SH2B1: variants seen among roughly 807,000 people sequenced by gnomAD.
SH2B1 encodes the protein SH2B adaptor protein 1.
SH2B1 carries 15 observed loss-of-function variants against 62.6 expected under a neutral mutation model. The ratio of observed to expected loss-of-function variants is 0.24; its 90% CI spans 0.16 to 0.37. The LOEUF (loss-of-function observed/expected upper bound fraction) is 0.37, where lower values mean the gene tolerates loss of function less well. Among genes scored for constraint, SH2B1 ranks in the 10% least tolerant of loss-of-function variants. The pLI, the probability that SH2B1 is intolerant of heterozygous loss-of-function variation, is 1.00. For synonymous variants in SH2B1, 443 were observed against 438.0 expected (o/e 1.01, Z -0.14); for missense variants, 925 against 1,015.6 (o/e 0.91, Z 1.21).
At position 28,865,684 on chromosome 16, in the gene SH2B1, G is replaced by C; in HGVS notation, c.-411G>C. On this transcript the variant is annotated 5_prime_UTR_variant, in exon 1 of 8. Transcript: ENST00000684370. Reference sequence around the variant, plus strand: ...CATGGGAAGTGTGACATGAATATTGGAGGATCCGATGTAGAGGGGGGGTGA... The same window carrying C: ...CATGGGAAGTGTGACATGAATATTGCAGGATCCGATGTAGAGGGGGGGTGA... 1.0e-6 allele frequency: 1 copy of C among 1,004,092 alleles called. No homozygotes were observed. The highest frequency in any genetic ancestry group is 1.2e-6 in the Non-Finnish European group (1 of 843,162). The allele number at this position is 1,004,092 out of a possible 1,614,324, so 62.2% of individuals were successfully genotyped here.
chr16:28,851,152 G>A (rs1399859644), intron 1 of SH2B1, among the ~76,000 whole-genome samples: 2 of 138,258 alleles, frequency 1.4e-5, no homozygotes, highest in Non-Finnish European at 3.1e-5. Flanking sequence ...CCAGCCTGCC[G>A]ACAGAGCAAG....
intron 1 of SH2B1, among the ~76,000 whole-genome samples, chr16:28,853,502 G>A (rs1312622403): frequency 2.1e-5 from 3 of 143,022 alleles, no homozygotes; most frequent in Admixed American, 1.4e-4. Context: ...TACGCCCAGC[G>A]CCCACCCACC....
At chr16:28,851,172 C>CAAAAAA (rs370837963) in intron 1 of SH2B1, among the ~76,000 whole-genome samples, 10 of 130,050 alleles carry the variant, frequency 7.7e-5, no homozygotes, top group African/African-American at 2.5e-4. Flanking sequence ...GACTCTGTCT[C>CAAAAAA]AAAAAGAAAA....
In SH2B1 at chr16:28,866,898, G is replaced by C; in HGVS notation, c.804G>C (p.Val268=). The change falls in exon 1 of 8, where the codon GTG becomes GTC. Residue 268 remains valine (V), a synonymous_variant. Coordinates refer to ENST00000684370, the MANE Select transcript of SH2B1 (RefSeq NM_001387430.1). The surrounding 1 kb of genome is among the most constrained non-coding windows in gnomAD (Gnocchi z 6.3). ...AGGCAGCCCCTGACCCAGCCGGAGT[G>C]GGCCGGGGAGGAGGGGTGGCTGGGC... is the stretch of plus-strand genomic sequence containing the variant. The part of the protein sequence containing the change: ...AEEAAPDPAG[V]GRGGGVAGPP... The C allele has an allele frequency of 6.2e-7, 1 of 1,612,278 alleles. No individual in the cohort carries two copies.
chr16:28,871,740 G>A (rs1963049368), intron 4 of SH2B1, 40 bp from the exon 5 acceptor site: 2 of 1,528,038 alleles, frequency 1.3e-6, no homozygotes, highest in South Asian at 1.1e-5. Context: ...TTTAGAAGAG[G>A]AATTTCTTGG....
intron 1 of SH2B1, among the ~76,000 whole-genome samples, chr16:28,849,896 CT>C (rs1962058954): frequency 6.6e-6 from 1 of 152,054 alleles, no homozygotes; most frequent in Non-Finnish European, 1.5e-5. Context: ...GTACTCCAGC[CT>C]GGGTGACAGA....
At chr16:28,869,431 G>T in intron 4 of SH2B1, 48 bp downstream of exon 4, 1 of 1,561,128 alleles carries the variant, frequency 6.4e-7, no homozygotes, top group East Asian at 2.3e-5. Flanking sequence ...CCTGCCATGC[G>T]GGGCCCCTGC....
chr16:28,871,025 G>A (rs970794620), intron 4 of SH2B1, among the ~76,000 whole-genome samples: 12 of 150,554 alleles, frequency 8.0e-5, no homozygotes, highest in Non-Finnish European at 1.8e-4. Flanking sequence ...GTGTGTGTGT[G>A]TGTGTGTTTT....
chr16:28,872,454 G>A lies in SH2B1; in HGVS notation c.1725+53G>A. The stretch of plus-strand genomic sequence containing the variant: ...TTCTGTGCATAGTTGGCAGTGGGGT[G>A]GGGGAGCACTGCCGGGGGAGGGGGT... On this transcript the variant is annotated intron_variant, in intron 6 of 7. Transcript: ENST00000684370. The surrounding 1 kb of genome is among the most constrained non-coding windows in gnomAD (Gnocchi z 5.3). 1.9e-6 allele frequency: 3 copies of A among 1,571,002 alleles called. No homozygotes were observed. The highest frequency in any genetic ancestry group is 1.7e-5 in the Admixed American group (1 of 58,306).
chr16:28,874,043 G>T lies in SH2B1; in HGVS notation c.*223G>T. The T allele has an allele frequency of 2.5e-6, 1 of 405,264 alleles. No homozygotes were observed. Among genetic ancestry groups the T allele is most frequent in the Non-Finnish European group, 4.3e-6 (1 of 234,744 alleles). The allele number at this position is 405,264 out of a possible 1,614,324, so 25.1% of individuals were successfully genotyped here. A position where few individuals can be genotyped will look rare whatever the true frequency, so the allele number is the denominator to read the frequency against. On this transcript the variant is annotated 3_prime_UTR_variant, in exon 8 of 8. Transcript: ENST00000684370. ...TTTGGGCTCCATGAGCTCCTTGAGG[G>T]GCTCTTCTGGTCAGCCCCACCCTGG...
Position 28,864,587 on chromosome 16 carries a change from G to C in SH2B1, c.-1508G>C. 4.1e-6 allele frequency: 4 copies of C among 985,690 alleles called. No individual in the cohort carries two copies. The highest frequency in any genetic ancestry group is 4.8e-6 in the Non-Finnish European group (4 of 830,082). The allele number at this position is 985,690 out of a possible 1,614,324, so 61.1% of individuals were successfully genotyped here. On this transcript the variant is annotated 5_prime_UTR_variant, in exon 1 of 8. Coordinates refer to ENST00000684370, the MANE Select transcript of SH2B1 (RefSeq NM_001387430.1). ...GGGTTCACCGACTTACAGCCTGGCT[G>C]TAGGTTTGAACAGGAGTCTGAGGTC...
At position 28,873,879 on chromosome 16, in the gene SH2B1, T is replaced by C. The variant is rs775415750; in HGVS notation, c.*59T>C. On this transcript the variant is annotated 3_prime_UTR_variant, in exon 8 of 8. Transcript: ENST00000684370. This position sits in a 1 kb window ranked among gnomAD's most constrained non-coding sequence, Gnocchi z 4.2. The stretch of plus-strand genomic sequence containing the variant: ...CCCAGCCCTGCTCGTGAGATTGGGC[T>C]GGGTAGGGACAGAGGAGGCCGAAAT... The C allele has an allele frequency of 2.4e-5, 33 of 1,382,772 alleles. No homozygotes were observed. The highest frequency in any genetic ancestry group is 3.0e-5 in the African/African-American group (2 of 67,382). 85.7% of individuals were successfully genotyped at this position (1,382,772 alleles called of 1,614,324 possible).
chr16:28,862,416 T>G (rs1242262276), upstream of SH2B1: 1 of 152,112 alleles, frequency 6.6e-6, no homozygotes, highest in Non-Finnish European at 1.5e-5. Flanking sequence ...TGCCTCAGCC[T>G]CCTCTCAAGT....
Position 28,864,564 on chromosome 16 carries a change from G to A in SH2B1, c.-1531G>A, listed in dbSNP as rs1377267214. ...GTCGAGGCCCAGGAGGAAGGGGAGG[G>A]TTCACCGACTTACAGCCTGGCTGTA... On this transcript the variant is annotated 5_prime_UTR_variant, in exon 1 of 8. Coordinates refer to ENST00000684370, the MANE Select transcript of SH2B1 (RefSeq NM_001387430.1). 2.8e-5 allele frequency: 28 copies of A among 985,584 alleles called. No homozygotes were observed. The highest frequency in any genetic ancestry group is 3.3e-5 in the Non-Finnish European group (27 of 830,090). 61.1% of individuals were successfully genotyped at this position (985,584 alleles called of 1,614,324 possible).
chr16:28,864,034 G>A lies in SH2B1; in HGVS notation c.-2061G>A. 1 of 1,391,758 alleles carries A rather than the reference G, an allele frequency of 7.2e-7. No homozygotes were observed. Among genetic ancestry groups the A allele is most frequent in the East Asian group, 2.8e-5 (1 of 36,298 alleles). 86.2% of individuals were successfully genotyped at this position (1,391,758 alleles called of 1,614,324 possible). On this transcript the variant is annotated 5_prime_UTR_variant, in exon 1 of 8. It adds an upstream start codon to the 5' untranslated region. Transcript: ENST00000684370. ...CGCCCGAGAGGATTCCTGGGTGGGGGTGGGCGTGGAGGGCCGGGGGCTGGA... is the reference window on the plus strand; with the variant it reads ...CGCCCGAGAGGATTCCTGGGTGGGGATGGGCGTGGAGGGCCGGGGGCTGGA...
intron 1 of SH2B1, among the ~76,000 whole-genome samples, chr16:28,855,902 ACCTCGTGATCCGCCTGCCTCGG>A (rs1001018419): frequency 7.4e-6 from 1 of 134,270 alleles, no homozygotes; most frequent in African/African-American, 2.8e-5. Flanking sequence ...TGATCCGCCG[ACCTCGTGATCCGCCTGCCTCGG>A]CCTCCCAAAG....
At position 28,872,901 on chromosome 16, in the gene SH2B1, G is replaced by A; in HGVS notation, c.1897+196G>A. ...GCTGATAGGACACAGGAAGGCAGAA[G>A]GCTCCTGGCCGGAGCCGGGGCGGCA... On this transcript the variant is annotated intron_variant, in intron 7 of 7. Coordinates refer to ENST00000684370, the MANE Select transcript of SH2B1 (RefSeq NM_001387430.1). This position sits in a 1 kb window ranked among gnomAD's most constrained non-coding sequence, Gnocchi z 5.3. The A allele has an allele frequency of 2.6e-6, 2 of 780,446 alleles. No homozygotes were observed. Among genetic ancestry groups the A allele is most frequent in the Non-Finnish European group, 2.1e-6 (1 of 483,590 alleles). 48.3% of individuals were successfully genotyped at this position (780,446 alleles called of 1,614,324 possible).
At position 28,852,460 on chromosome 16, in the gene SH2B1, TTA is replaced by T. The variant is rs1221106096; in HGVS notation, c.-301+5642_-301+5643del. On this transcript the variant is annotated intron_variant, in intron 1 of 10. Transcript: ENST00000322610. ...TTTATATATATATTTACATATATAT[TTA>T]TATATATACATATATATTTATATAT... Among the ~76,000 whole-genome samples, 364 of 86,682 alleles carry T rather than the reference TTA, an allele frequency of 4.2e-3. 115 individuals carry two copies. Among genetic ancestry groups the T allele is most frequent in the Non-Finnish European group, 5.4e-3 (269 of 49,850 alleles). The allele number at this position is 86,682 out of a possible 152,430, so 56.9% of individuals were successfully genotyped here. A position where few individuals can be genotyped will look rare whatever the true frequency, so the allele number is the denominator to read the frequency against.
intron 4 of SH2B1, 133 bp downstream of exon 4, chr16:28,869,516 C>T: frequency 1.3e-6 from 1 of 767,152 alleles, no homozygotes; most frequent in South Asian, 1.9e-5. Flanking sequence ...CCCAACCCCA[C>T]CAAATGTTGG....
Sources: allele counts gnomAD v4.1 joint callset (sites outside exome capture counted in the v4.1 genomes callset), GRCh38; gene constraint gnomAD v4.1.1; non-coding constraint Gnocchi (gnomAD v3.1); transcripts MANE v1.5; gene names NCBI Gene and HGNC (gene_info 2026-07-23, HGNC 2026-07-21).